Variants in NRIP1 observed in about 807,000 individuals in gnomAD.
NRIP1 encodes the protein nuclear receptor interacting protein 1.
A neutral mutation model predicts 75.0 loss-of-function variants in NRIP1; 28 were observed. The ratio of observed to expected loss-of-function variants is 0.37; its 90% confidence interval spans 0.28 to 0.51. The LOEUF is 0.51. Ranked by LOEUF, NRIP1 falls within the 20% of genes least tolerant of loss-of-function variation. The pLI, the probability that NRIP1 is intolerant of heterozygous loss-of-function variation, is 0.92. For missense variants in NRIP1, 1,435 were observed against 1,343.7 expected, an observed-to-expected ratio of 1.07 and a Z score of -1.06; for synonymous variants, 526 against 487.6, an observed-to-expected ratio of 1.08 and a Z score of -1.04.
intron 2 of NRIP1, among the ~76,000 whole-genome samples, chr21:15,016,219 G>A (rs1374106903): frequency 1.3e-5 from 2 of 152,122 alleles, no homozygotes; most frequent in African/African-American, 4.8e-5. Flanking sequence ...TATAGATCTT[G>A]GACTCAATTA....
At chr21:15,029,953 C>A (rs569651148) in intron 2 of NRIP1, among the ~76,000 whole-genome samples, 2 of 152,344 alleles carry the variant, frequency 1.3e-5, no homozygotes, top group Admixed American at 6.5e-5. Flanking sequence ...CTCAAAAACA[C>A]ACTGTCCTCT....
intron 3 of NRIP1, among the ~76,000 whole-genome samples, chr21:15,002,708 A>G (rs2823003): frequency 0.27 from 40,845 of 151,950 alleles, 8,278 homozygotes; most frequent in African/African-American, 0.57. Context: ...CATTTTTAAA[A>G]CTAGGCATTT....
At chr21:15,053,612 G>GA (rs35403467) in intron 1 of NRIP1, among the ~76,000 whole-genome samples, 2 of 152,098 alleles carry the variant, frequency 1.3e-5, no homozygotes, top group African/African-American at 2.4e-5. Flanking sequence ...AACAATGAGG[G>GA]AAAAAATTGT....
At chr21:15,010,182 C>G (rs112765792) in intron 3 of NRIP1, among the ~76,000 whole-genome samples, 52 of 152,220 alleles carry the variant, frequency 3.4e-4, no homozygotes, top group African/African-American at 1.1e-3. Context: ...ACGTTAGAAT[C>G]AGAAAATTTT....
At chr21:15,061,192 A>G (rs2089416170) in intron 1 of NRIP1, among the ~76,000 whole-genome samples, 1 of 152,180 alleles carries the variant, frequency 6.6e-6, no homozygotes, top group Admixed American at 6.5e-5. Context: ...TTTAATGAAA[A>G]TATTTCTCCA....
At position 15,030,486 on chromosome 21, in the gene NRIP1, A is replaced by G. The variant is rs74409708; in HGVS notation, c.-458+13009T>C. Among the ~76,000 whole-genome samples the G allele has an allele frequency of 0.017, 2,665 of 152,296 alleles. 231 individuals are homozygous for G. The East Asian group carries it at 0.26, about 15-fold the overall frequency. On this transcript the variant is annotated intron_variant, in intron 2 of 3. Coordinates refer to ENST00000318948, the MANE Select transcript of NRIP1 (RefSeq NM_003489.4). ...CCTAGACAACATGTCACATGACAAT[A>G]AAACAAGATATTTCAATGGAAATCA... is the stretch of plus-strand genomic sequence containing the variant.
Position 14,965,471 on chromosome 21 carries a change from C to T in NRIP1, c.2722G>A (p.Glu908Lys). 2 of 1,613,934 alleles carry T rather than the reference C, an allele frequency of 1.2e-6. No homozygotes were observed. The highest frequency in any genetic ancestry group is 1.7e-6 in the Non-Finnish European group (2 of 1,179,930). Residue 908 changes from glutamate to lysine, a missense_variant, in exon 4 of 4, where the codon GAA (glutamate) becomes AAA (lysine). Glu to Lys is a moderately conservative substitution (Grantham distance 56, BLOSUM62 1). Coordinates refer to ENST00000318948, the MANE Select transcript of NRIP1 (RefSeq NM_003489.4). ...EELKFSRNDL[E>K]FKYPAGHGSA... ...CCATGACCAGCAGGATATTTAAATT[C>T]AAGATCATTTCTGCTAAATTTCAGC...
intron 3 of NRIP1, among the ~76,000 whole-genome samples, chr21:15,002,980 A>C (rs2087883080): frequency 6.6e-6 from 1 of 152,168 alleles, no homozygotes; most frequent in Non-Finnish European, 1.5e-5. Flanking sequence ...ATTATTTAAA[A>C]AGCACCTTTA....
chr21:15,058,208 G>A (rs1033976343), intron 1 of NRIP1, among the ~76,000 whole-genome samples: 4 of 152,104 alleles, frequency 2.6e-5, no homozygotes, highest in South Asian at 2.1e-4. Flanking sequence ...AAAAATAAAC[G>A]TGGAATAACA....
chr21:15,040,793 T>A (rs1568724320), intron 2 of NRIP1, among the ~76,000 whole-genome samples: 1 of 152,092 alleles, frequency 6.6e-6, no homozygotes, highest in Non-Finnish European at 1.5e-5. Flanking sequence ...ACTTATTTTT[T>A]AATAGATGGG....
At chr21:15,031,842 C>T (rs2088704096) in intron 2 of NRIP1, among the ~76,000 whole-genome samples, 1 of 144,012 alleles carries the variant, frequency 6.9e-6, no homozygotes, top group African/African-American at 2.6e-5. Flanking sequence ...GGAAGGCGTT[C>T]AGAGGTTCAC....
Position 14,963,976 on chromosome 21 carries a change from TATTA to T in NRIP1, c.*736_*739del, listed in dbSNP as rs1288837486. The T allele has an allele frequency of 1.3e-5, 2 of 152,462 alleles. No individual in the cohort carries two copies. The highest frequency in any genetic ancestry group is 2.9e-5 in the Non-Finnish European group (2 of 67,998). The allele number at this position is 152,462 out of a possible 1,614,324, so 9.4% of individuals were successfully genotyped here. A position where few individuals can be genotyped will look rare whatever the true frequency, so the allele number is the denominator to read the frequency against. ...TTTTCTAATTCTGTAAAAGGAGGAGTATTAATTTAGTAAAGTAGTTAAAATACAA... is the reference window on the plus strand; with the variant it reads ...TTTTCTAATTCTGTAAAAGGAGGAGTATTTAGTAAAGTAGTTAAAATACAA... On this transcript the variant is annotated 3_prime_UTR_variant, in exon 4 of 4. Coordinates refer to ENST00000318948, the MANE Select transcript of NRIP1 (RefSeq NM_003489.4).
chr21:15,006,771 T>C (rs910340706), intron 3 of NRIP1, among the ~76,000 whole-genome samples: 4 of 152,148 alleles, frequency 2.6e-5, no homozygotes, highest in Non-Finnish European at 5.9e-5. Context: ...TAACACCTAG[T>C]GAGTAAATAA....
chr21:14,969,481 C>T (rs1163383300), intron 3 of NRIP1, among the ~76,000 whole-genome samples: 1 of 152,170 alleles, frequency 6.6e-6, no homozygotes, highest in Non-Finnish European at 1.5e-5. Flanking sequence ...ATCACTAACA[C>T]ATACACAACA....
At chr21:15,039,169 C>T (rs1159442134) in intron 2 of NRIP1, among the ~76,000 whole-genome samples, 4 of 152,112 alleles carry the variant, frequency 2.6e-5, no homozygotes, top group South Asian at 2.1e-4. Flanking sequence ...GGCTTTTAAG[C>T]AGAGAAATGA....
intron 1 of NRIP1, among the ~76,000 whole-genome samples, chr21:15,061,078 C>A (rs1456801897): frequency 6.6e-6 from 1 of 152,164 alleles, no homozygotes; most frequent in Non-Finnish European, 1.5e-5. Flanking sequence ...TAAGGAAATG[C>A]AACTTGAACC....
At chr21:14,985,536 C>G (rs1051300119) in intron 3 of NRIP1, among the ~76,000 whole-genome samples, 1 of 152,212 alleles carries the variant, frequency 6.6e-6, no homozygotes, top group East Asian at 1.9e-4. Flanking sequence ...CCCGCCTCGG[C>G]CCCCCAAAGT....
intron 3 of NRIP1, among the ~76,000 whole-genome samples, chr21:14,993,451 G>A (rs1378496091): frequency 1.3e-5 from 2 of 152,074 alleles, no homozygotes; most frequent in African/African-American, 4.8e-5. Flanking sequence ...AAGATACCAT[G>A]AGCCTTAAAA....
At chr21:15,035,613 G>C (rs983684371) in intron 2 of NRIP1, among the ~76,000 whole-genome samples, 74 of 148,440 alleles carry the variant, frequency 5.0e-4, no homozygotes, top group Admixed American at 9.5e-4. Flanking sequence ...CTGGAGTGCA[G>C]TGGCGCGATC....
Sources: allele counts gnomAD v4.1 joint callset (sites outside exome capture counted in the v4.1 genomes callset), GRCh38; gene constraint gnomAD v4.1.1; transcripts MANE v1.5; gene names NCBI Gene and HGNC (gene_info 2026-07-23, HGNC 2026-07-21).